PTPRT: variants seen among roughly 807,000 people sequenced by gnomAD.
PTPRT encodes the protein receptor-type tyrosine-protein phosphatase T.
In PTPRT, 56 loss-of-function variants were observed where a neutral mutation model predicts 176.8. The observed-to-expected ratio is 0.32, with a 90% CI of 0.26 to 0.40. PTPRT has a LOEUF of 0.40. PTPRT is among the 10% of genes least tolerant of loss of function. PTPRT has a pLI of 1.00. For missense variants in PTPRT, 1,540 were observed against 1,908.2 expected (o/e 0.81, Z 3.60); for synonymous variants, 783 against 739.0 (o/e 1.06, Z -0.96).
chr20:42,131,549 A>C (rs1255353468), intron 18 of PTPRT, among the ~76,000 whole-genome samples: 5 of 152,228 alleles, frequency 3.3e-5, no homozygotes, highest in Non-Finnish European at 7.3e-5. Context: ...AAACGAACTT[A>C]TTTATTCTAG....
intron 16 of PTPRT, among the ~76,000 whole-genome samples, chr20:42,177,401 A>G (rs576258123): frequency 2.0e-5 from 3 of 152,330 alleles, no homozygotes; most frequent in South Asian, 4.1e-4. Context: ...ACAGCTTAGT[A>G]TTGTTCAAAA....
At chr20:42,361,595 G>A (rs951897053) in intron 9 of PTPRT, among the ~76,000 whole-genome samples, 2 of 152,204 alleles carry the variant, frequency 1.3e-5, no homozygotes, top group Non-Finnish European at 2.9e-5. Context: ...GGGCCGCCAT[G>A]TGTGAGCAAA....
intron 13 of PTPRT, among the ~76,000 whole-genome samples, chr20:42,267,643 C>G (rs896333461): frequency 6.6e-6 from 1 of 152,094 alleles, no homozygotes; most frequent in African/African-American, 2.4e-5. Context: ...CTGCTGGCAT[C>G]CAGTGGGGAG....
intron 7 of PTPRT, among the ~76,000 whole-genome samples, chr20:42,551,863 T>C (rs1403135862): frequency 3.3e-5 from 5 of 152,178 alleles, no homozygotes. Flanking sequence ...TCCTTGCTTG[T>C]TTGTTTTCCC....
chr20:42,274,581 G>GTGTGTATGTGTA (rs1555812661), intron 13 of PTPRT, among the ~76,000 whole-genome samples: 1 of 134,074 alleles, frequency 7.5e-6, no homozygotes, highest in African/African-American at 3.0e-5. Context: ...GTGTGTGTGT[G>GTGTGTATGTGTA]TGTGTGTGTG....
At chr20:42,343,831 T>C (rs1441828402) in intron 11 of PTPRT, among the ~76,000 whole-genome samples, 1 of 152,184 alleles carries the variant, frequency 6.6e-6, no homozygotes, top group Non-Finnish European at 1.5e-5. Context: ...TCAGAGAAAA[T>C]TCTTGCCCAT....
chr20:42,473,603 T>C (rs2071237029), intron 7 of PTPRT, among the ~76,000 whole-genome samples: 2 of 152,248 alleles, frequency 1.3e-5, no homozygotes, highest in African/African-American at 4.8e-5. Flanking sequence ...AGCCTCAGCC[T>C]CACATGTAGG....
chr20:42,894,125 G>A (rs1342914158), intron 1 of PTPRT, among the ~76,000 whole-genome samples: 1 of 152,084 alleles, frequency 6.6e-6, no homozygotes, highest in Non-Finnish European at 1.5e-5. Context: ...GAAGTCCAAG[G>A]TTGATCTAAG....
intron 1 of PTPRT, among the ~76,000 whole-genome samples, chr20:43,026,509 C>T (rs1434415485): frequency 1.3e-5 from 2 of 152,102 alleles, no homozygotes; most frequent in African/African-American, 4.8e-5. Context: ...TACAGGCATG[C>T]AATGCATAAC....
intron 9 of PTPRT, among the ~76,000 whole-genome samples, chr20:42,372,668 C>G (rs376873240): frequency 3.9e-5 from 6 of 152,080 alleles, no homozygotes; most frequent in East Asian, 1.9e-4. Flanking sequence ...CAAATTCATA[C>G]GTTGAAACCT....
At chr20:42,489,008 TTGTGTGTGTGTGTG>T (rs56267962) in intron 7 of PTPRT, among the ~76,000 whole-genome samples, 6,345 of 131,224 alleles carry the variant, frequency 0.048, 198 homozygotes, top group African/African-American at 0.076. Flanking sequence ...TCAACCAAGT[TTGTGTGTGTGTGTG>T]TGTGTGTGTG....
chr20:42,430,527 C>T (rs2059206605), intron 9 of PTPRT, among the ~76,000 whole-genome samples: 1 of 152,176 alleles, frequency 6.6e-6, no homozygotes, highest in Non-Finnish European at 1.5e-5. Context: ...ACCTCTTCTT[C>T]TGCAGGTAGG....
chr20:42,626,711 G>A (rs1173876422), intron 7 of PTPRT, among the ~76,000 whole-genome samples: 1 of 152,106 alleles, frequency 6.6e-6, no homozygotes, highest in African/African-American at 2.4e-5. Flanking sequence ...AGCCACAGAG[G>A]GTCAGGTGGA....
At chr20:42,754,646 G>A (rs1279923983) in intron 6 of PTPRT, among the ~76,000 whole-genome samples, 3 of 152,306 alleles carry the variant, frequency 2.0e-5, no homozygotes, top group Non-Finnish European at 4.4e-5. Context: ...CAAAGTGGTG[G>A]CTTCTTTTCT....
intron 1 of PTPRT, among the ~76,000 whole-genome samples, chr20:43,077,345 G>C (rs1248882237): frequency 6.6e-6 from 1 of 152,170 alleles, no homozygotes; most frequent in Non-Finnish European, 1.5e-5. Flanking sequence ...AGTGACAAAG[G>C]ATGAAGCTGA....
intron 1 of PTPRT, among the ~76,000 whole-genome samples, chr20:43,120,708 G>A (rs1382496845): frequency 6.6e-6 from 1 of 152,178 alleles, no homozygotes; most frequent in Admixed American, 6.5e-5. Context: ...GCAGCAACAG[G>A]GGTCAAGTCT....
chr20:42,170,452 T>C (rs79258405), intron 16 of PTPRT, among the ~76,000 whole-genome samples: 1 of 152,128 alleles, frequency 6.6e-6, no homozygotes, highest in Admixed American at 6.5e-5. Context: ...GACAACAGAC[T>C]TTTCCCAAAA....
chr20:43,106,502 C>A (rs1351919375), intron 1 of PTPRT, among the ~76,000 whole-genome samples: 4 of 151,550 alleles, frequency 2.6e-5, no homozygotes, highest in African/African-American at 9.7e-5. Flanking sequence ...ACTAAAAATA[C>A]AAAAATTAGC....
intron 7 of PTPRT, among the ~76,000 whole-genome samples, chr20:42,500,647 A>C (rs1034054708): frequency 2.0e-5 from 3 of 152,128 alleles, no homozygotes; most frequent in Admixed American, 6.6e-5. Context: ...GTGTTGGTGC[A>C]TCCCTTCCTC....
Sources: allele counts gnomAD v4.1 joint callset (sites outside exome capture counted in the v4.1 genomes callset), GRCh38; gene constraint gnomAD v4.1.1; transcripts MANE v1.5; gene names NCBI Gene and HGNC (gene_info 2026-07-23, HGNC 2026-07-21).